Variants in ETV6 observed in about 807,000 individuals in gnomAD.
ETV6 encodes the protein transcription factor ETV6.
Under a neutral mutation model 51.1 loss-of-function variants are expected in ETV6, and 16 were observed. That is an observed-to-expected ratio of 0.31 (90% CI 0.21 to 0.48). The LOEUF (loss-of-function observed/expected upper bound fraction) is 0.48, where lower values mean the gene tolerates loss of function less well. ETV6 is among the 20% of genes least tolerant of loss of function. The pLI, the probability that ETV6 is intolerant of heterozygous loss-of-function variation, is 0.99. For synonymous variants in ETV6, 240 were observed against 224.1 expected (o/e 1.07, Z -0.64); for missense variants, 458 against 594.8 (o/e 0.77, Z 2.39).
chr12:11,717,054 C>T (rs189492609), intron 1 of ETV6, among the ~76,000 whole-genome samples: 81 of 152,284 alleles, frequency 5.3e-4, no homozygotes, highest in African/African-American at 1.9e-3. Context: ...TGCTTTAGGC[C>T]TTCAGTGCAC....
At chr12:11,658,962 C>T (rs560864005) in intron 1 of ETV6, among the ~76,000 whole-genome samples, 1 of 152,324 alleles carries the variant, frequency 6.6e-6, no homozygotes, top group South Asian at 2.1e-4. Context: ...CTCCTTCATA[C>T]AGTTGCTTAT....
chr12:11,685,886 C>T (rs1864619637), intron 1 of ETV6, among the ~76,000 whole-genome samples: 1 of 152,220 alleles, frequency 6.6e-6, no homozygotes, highest in South Asian at 2.1e-4. Context: ...GTCAGCCTTT[C>T]TTCAGACACA....
At chr12:11,777,595 C>A (rs1251004479) in intron 2 of ETV6, among the ~76,000 whole-genome samples, 2 of 152,098 alleles carry the variant, frequency 1.3e-5, no homozygotes, top group Non-Finnish European at 2.9e-5. Flanking sequence ...GTCCCCTCCC[C>A]ACCTGCGCTT....
chr12:11,815,907 C>A (rs1214749941), intron 2 of ETV6, among the ~76,000 whole-genome samples: 2 of 152,132 alleles, frequency 1.3e-5, no homozygotes, highest in Admixed American at 1.3e-4. Flanking sequence ...ACAGTTTCTG[C>A]TTTTTTGCTG....
chr12:11,650,481 T>TAAAAAAAAAAAAAAAAA lies in ETV6; in HGVS notation c.33+335_33+336insAAAAAAAAAAAAAAAAA, dbSNP rs367594605. Among the ~76,000 whole-genome samples, 48 of 43,324 alleles carry TAAAAAAAAAAAAAAAAA rather than the reference T, an allele frequency of 1.1e-3. 7 individuals are homozygous for TAAAAAAAAAAAAAAAAA. The highest frequency in any genetic ancestry group is 4.1e-3 in the South Asian group (3 of 724). 28.4% of individuals were successfully genotyped at this position (43,324 alleles called of 152,430 possible). ...AAAACACCCCCGTAATTAGTGCGCT[T>TAAAAAAAAAAAAAAAAA]AAAAAAAAAAAAAACAAAAAACAAA... On this transcript the variant is annotated intron_variant, in intron 1 of 7. Coordinates refer to ENST00000396373, the MANE Select transcript of ETV6 (RefSeq NM_001987.5).
intron 6 of ETV6, among the ~76,000 whole-genome samples, chr12:11,885,055 C>T (rs1947164193): frequency 6.6e-6 from 1 of 152,158 alleles, no homozygotes; most frequent in Admixed American, 6.5e-5. Context: ...TATAAGCAAG[C>T]GATGCAAGAA....
At chr12:11,654,185 G>A (rs1420094452) in intron 1 of ETV6, among the ~76,000 whole-genome samples, 1 of 152,180 alleles carries the variant, frequency 6.6e-6, no homozygotes, top group Non-Finnish European at 1.5e-5. Context: ...AGGAAATTGA[G>A]GAAAAGGTAC....
rs1483172423 is a variant in ETV6, at chr12:11,770,434, C to T, written c.163+17855C>T. Among the ~76,000 whole-genome samples, 6 of 152,208 alleles carry T rather than the reference C, an allele frequency of 3.9e-5. No individual in the cohort carries two copies. The East Asian group carries it at 1.2e-3, about 29-fold the overall frequency. On this transcript the variant is annotated intron_variant, in intron 2 of 7. Coordinates refer to ENST00000396373, the MANE Select transcript of ETV6 (RefSeq NM_001987.5). ...AAGGAAGCCAGATAACTTTCTGTCCCCATGTGATCCAGGCCCATCCTGAAG... is the reference window on the plus strand; with the variant it reads ...AAGGAAGCCAGATAACTTTCTGTCCTCATGTGATCCAGGCCCATCCTGAAG...
intron 2 of ETV6, among the ~76,000 whole-genome samples, chr12:11,796,053 G>T (rs1407123860): frequency 6.6e-6 from 1 of 152,106 alleles, no homozygotes; most frequent in Non-Finnish European, 1.5e-5. Context: ...CACTGATGAA[G>T]CTCAAATTAC....
At chr12:11,793,424 G>A (rs1945633543) in intron 2 of ETV6, among the ~76,000 whole-genome samples, 1 of 152,178 alleles carries the variant, frequency 6.6e-6, no homozygotes, top group Non-Finnish European at 1.5e-5. Flanking sequence ...TCCTGGACTG[G>A]GCAAGGTTAT....
chr12:11,713,339 T>C (rs571622488), intron 1 of ETV6, among the ~76,000 whole-genome samples: 4 of 152,376 alleles, frequency 2.6e-5, no homozygotes, highest in South Asian at 2.1e-4. Flanking sequence ...ATTACTCAAA[T>C]TGAACTCTCC....
At chr12:11,796,650 C>G (rs527533440) in intron 2 of ETV6, among the ~76,000 whole-genome samples, 1 of 152,166 alleles carries the variant, frequency 6.6e-6, no homozygotes, top group Non-Finnish European at 1.5e-5. Flanking sequence ...ACTGTCCATG[C>G]GTGGGGCCGA....
At chr12:11,750,949 T>C (rs1312272844) in intron 1 of ETV6, 2 of 453,518 alleles carry the variant, frequency 4.4e-6, no homozygotes, top group African/African-American at 2.0e-5. Flanking sequence ...GGTGACTTTT[T>C]ACAGGACATC....
At chr12:11,744,353 C>T (rs1865869582) in intron 1 of ETV6, among the ~76,000 whole-genome samples, 1 of 152,104 alleles carries the variant, frequency 6.6e-6, no homozygotes, top group Admixed American at 6.6e-5. Context: ...TTTGTTGTGC[C>T]CAGGATACAA....
chr12:11,723,442 A>G (rs551624961), intron 1 of ETV6, among the ~76,000 whole-genome samples: 1 of 150,850 alleles, frequency 6.6e-6, no homozygotes, highest in East Asian at 1.9e-4. Flanking sequence ...TTTCCCTTCC[A>G]TTCTTTCTTG....
intron 4 of ETV6, among the ~76,000 whole-genome samples, chr12:11,862,479 C>CA (rs1199338410): frequency 6.6e-6 from 1 of 152,158 alleles, no homozygotes; most frequent in African/African-American, 2.4e-5. Flanking sequence ...GCTAGAAGTC[C>CA]AAGGTCAACG....
intron 2 of ETV6, among the ~76,000 whole-genome samples, chr12:11,808,339 G>A (rs2724595): frequency 6.0e-5 from 9 of 150,788 alleles, no homozygotes; most frequent in Non-Finnish European, 1.3e-4. Flanking sequence ...ACAATAAAAA[G>A]AAAAAAGTAC....
intron 1 of ETV6, among the ~76,000 whole-genome samples, chr12:11,671,045 T>C (rs906920561): frequency 6.6e-6 from 1 of 152,186 alleles, no homozygotes; most frequent in African/African-American, 2.4e-5. Context: ...TAAAGGTTCC[T>C]GGGGCTTTCT....
chr12:11,827,070 TCACACACACACACACACA>T (rs55959869), intron 2 of ETV6, among the ~76,000 whole-genome samples: 10 of 145,166 alleles, frequency 6.9e-5, no homozygotes, highest in South Asian at 2.3e-4. Flanking sequence ...GAAGTCTGTC[TCACACACACACACACACA>T]CACACACACA....
Sources: gnomAD v4.1 joint callset for allele counts (sites outside exome capture counted in the v4.1 genomes callset) on GRCh38, gnomAD v4.1.1 for gene constraint, MANE v1.5 for transcripts, NCBI Gene and HGNC (gene_info 2026-07-23, HGNC 2026-07-21) for gene names.